The following SBF2 variants were observed in gnomAD, a reference collection of about 807,000 sequenced individuals.
The protein encoded by SBF2 is myotubularin-related protein 13.
SBF2 carries 112 observed loss-of-function variants against 225.2 expected under a neutral mutation model. The observed-to-expected ratio is 0.50, with a 90% confidence interval of 0.43 to 0.58. SBF2 has a LOEUF of 0.58. Ranked by LOEUF, SBF2 falls within the 20% of genes least tolerant of loss-of-function variation. The pLI is 0.00. For synonymous variants in SBF2, 763 were observed against 773.3 expected (o/e 0.99, Z 0.22); for missense variants, 1,996 against 2,206.2 (o/e 0.90, Z 1.91).
At chr11:10,011,343 T>C (rs895228182) in intron 6 of SBF2, among the ~76,000 whole-genome samples, 9 of 152,238 alleles carry the variant, frequency 5.9e-5, no homozygotes, top group Middle Eastern at 6.8e-3. Flanking sequence ...CCTTCCACCT[T>C]AGCCTCTCAA....
Position 9,808,179 on chromosome 11 carries a change from A to T in SBF2, c.4264T>A (p.Ser1422Thr). ...GGATCACTGAGTAACTGAACCAGGG[A>T]TGTCACCTAGGGCATAAGCAGGATG... ...EGWDITAQVT[S>T]LVQLLSDPFY... Residue 1422 changes from serine (S) to threonine (T), a missense_variant, in exon 32 of 40, where the codon TCC (serine) becomes ACC (threonine). Physicochemically the swap from Ser to Thr is moderately conservative, Grantham distance 58 (BLOSUM62 1). Transcript: ENST00000256190. The T allele has an allele frequency of 6.2e-7, 1 of 1,613,858 alleles. No homozygotes were observed. Among genetic ancestry groups the T allele is most frequent in the Non-Finnish European group, 8.5e-7 (1 of 1,179,920 alleles).
chr11:9,849,756 C>T (rs1440560142), intron 22 of SBF2, among the ~76,000 whole-genome samples: 1 of 152,208 alleles, frequency 6.6e-6, no homozygotes, highest in Non-Finnish European at 1.5e-5. Context: ...TAGGGTATAA[C>T]ACTCTGCCTC....
At chr11:10,287,626 T>C (rs76427113) in intron 1 of SBF2, among the ~76,000 whole-genome samples, 3 of 152,178 alleles carry the variant, frequency 2.0e-5, no homozygotes, top group Admixed American at 1.3e-4. Context: ...TATGTATTTG[T>C]CAAAACTCAC....
intron 7 of SBF2, among the ~76,000 whole-genome samples, chr11:10,001,528 A>AT (rs1316237736): frequency 9.6e-4 from 141 of 146,566 alleles, no homozygotes; most frequent in South Asian, 1.5e-3. Context: ...TTAAAAATAA[A>AT]TTTTTTTTTT....
At chr11:10,298,056 T>C (rs1964564298), upstream of SBF2, among the ~76,000 whole-genome samples, 1 of 152,246 alleles carries the variant, frequency 6.6e-6, no homozygotes, top group African/African-American at 2.4e-5. Flanking sequence ...TGTAACACTA[T>C]CATGATGTGT....
intron 2 of SBF2, among the ~76,000 whole-genome samples, chr11:10,177,653 C>T (rs1013049095): frequency 7.3e-5 from 11 of 151,574 alleles, no homozygotes; most frequent in Non-Finnish European, 1.0e-4. Flanking sequence ...AAGGACCTCT[C>T]CAAGGAGAAC....
chr11:10,264,678 G>A (rs530817494), intron 1 of SBF2, among the ~76,000 whole-genome samples: 29 of 152,028 alleles, frequency 1.9e-4, no homozygotes, highest in Non-Finnish European at 3.8e-4. Context: ...ATGGTTTGCT[G>A]CACCTATCAA....
intron 13 of SBF2, among the ~76,000 whole-genome samples, chr11:9,973,604 T>C (rs1946552253): frequency 1.3e-5 from 2 of 152,190 alleles, no homozygotes; most frequent in Admixed American, 6.5e-5. Context: ...GGTAGAATGA[T>C]TTTTCTCAGA....
intron 13 of SBF2, among the ~76,000 whole-genome samples, chr11:9,987,481 A>G (rs1323216856): frequency 6.6e-6 from 1 of 152,184 alleles, no homozygotes; most frequent in Non-Finnish European, 1.5e-5. Flanking sequence ...TAAAACTGTC[A>G]CTGTTTGCTG....
chr11:10,184,311 G>C (rs1419936042), intron 2 of SBF2, among the ~76,000 whole-genome samples: 1 of 152,278 alleles, frequency 6.6e-6, no homozygotes, highest in African/African-American at 2.4e-5. Context: ...CTTATGGGAT[G>C]TCTTGAAACC....
intron 17 of SBF2, among the ~76,000 whole-genome samples, chr11:9,886,628 G>A (rs1860328743): frequency 6.6e-6 from 1 of 150,864 alleles, no homozygotes; most frequent in Non-Finnish European, 1.5e-5. Flanking sequence ...GTCTCGCTCT[G>A]GAGTGCAGTA....
intron 25 of SBF2, among the ~76,000 whole-genome samples, chr11:9,840,706 A>T (rs923811605): frequency 4.6e-5 from 7 of 152,234 alleles, no homozygotes; most frequent in Non-Finnish European, 7.3e-5. Context: ...AAATTTCTGG[A>T]TTAACCAGAA....
At position 9,911,982 on chromosome 11, in the gene SBF2, A is replaced by G. The variant is rs773122028; in HGVS notation, c.1861-15971T>C. 1.5e-4 allele frequency among the ~76,000 whole-genome samples: 23 copies of G among 152,364 alleles called. No individual in the cohort carries two copies. In the South Asian group the frequency reaches 2.7e-3, roughly 18 times the overall value. ...GCCCAGGACAGCTTTCAATGTGCCCAACACAATTCATAAACTTTTTAAAAA... is the reference window on the plus strand; with the variant it reads ...GCCCAGGACAGCTTTCAATGTGCCCGACACAATTCATAAACTTTTTAAAAA... On this transcript the variant is annotated intron_variant, in intron 16 of 39. Coordinates refer to ENST00000256190, the MANE Select transcript of SBF2 (RefSeq NM_030962.4).
intron 6 of SBF2, among the ~76,000 whole-genome samples, chr11:10,010,354 G>T (rs928540251): frequency 6.6e-6 from 1 of 152,092 alleles, no homozygotes; most frequent in African/African-American, 2.4e-5. Context: ...CTTCTTCTAG[G>T]GTTTTAATGG....
At chr11:9,847,583 G>C (rs1000526799) in intron 22 of SBF2, among the ~76,000 whole-genome samples, 2 of 151,270 alleles carry the variant, frequency 1.3e-5, no homozygotes, top group South Asian at 4.2e-4. Context: ...TAAGGATAAA[G>C]CAAAAGAGAA....
chr11:10,120,238 A>C (rs1953373658), intron 2 of SBF2, among the ~76,000 whole-genome samples: 1 of 152,182 alleles, frequency 6.6e-6, no homozygotes, highest in Admixed American at 6.5e-5. Flanking sequence ...CTCATGGTTT[A>C]TCCATGTTAT....
intron 15 of SBF2, among the ~76,000 whole-genome samples, chr11:9,963,080 T>A (rs1004946400): frequency 2.0e-5 from 3 of 152,244 alleles, no homozygotes; most frequent in African/African-American, 4.8e-5. Context: ...AAACATGCTC[T>A]AAGGAGGCAC....
At chr11:10,043,718 G>A (rs2134684525) in intron 2 of SBF2, among the ~76,000 whole-genome samples, 1 of 152,156 alleles carries the variant, frequency 6.6e-6, no homozygotes, top group Non-Finnish European at 1.5e-5. Flanking sequence ...GGGACTACAG[G>A]TGCCTACCAG....
chr11:10,010,624 T>C (rs1009998822), intron 6 of SBF2, among the ~76,000 whole-genome samples: 13 of 152,254 alleles, frequency 8.5e-5, no homozygotes, highest in Admixed American at 6.5e-4. Context: ...AGTACCATGC[T>C]GTTTTGGTTA....
Sources: allele counts gnomAD v4.1 joint callset (sites outside exome capture counted in the v4.1 genomes callset), GRCh38; gene constraint gnomAD v4.1.1; transcripts MANE v1.5; gene names NCBI Gene and HGNC (gene_info 2026-07-23, HGNC 2026-07-21).